Variants in SMC5 observed in about 807,000 individuals in gnomAD.
SMC5 encodes the protein structural maintenance of chromosomes 5.
Under a neutral mutation model 148.3 loss-of-function variants are expected in SMC5, and 88 were observed. That is an observed-to-expected ratio of 0.59 (90% CI 0.50 to 0.71). The LOEUF is 0.71. Ranked by LOEUF, SMC5 falls within the 30% of genes least tolerant of loss-of-function variation. The pLI is 0.00. For missense variants in SMC5, 1,142 were observed against 1,298.9 expected (o/e 0.88, Z 1.86); for synonymous variants, 421 against 432.8 (o/e 0.97, Z 0.34).
intron 3 of SMC5, among the ~76,000 whole-genome samples, chr9:70,274,541 T>TA: frequency 6.6e-6 from 1 of 152,052 alleles, no homozygotes; most frequent in East Asian, 1.9e-4. Context: ...TCTTTTGTTA[T>TA]CTCATTTAAA....
chr9:70,279,546 G>A (rs1453692166), intron 5 of SMC5, among the ~76,000 whole-genome samples: 3 of 152,090 alleles, frequency 2.0e-5, no homozygotes, highest in African/African-American at 7.2e-5. Context: ...GCTGGGTGTG[G>A]TGGCTCACGC....
At chr9:70,263,336 TG>T (rs2034190149) in intron 1 of SMC5, among the ~76,000 whole-genome samples, 1 of 152,244 alleles carries the variant, frequency 6.6e-6, no homozygotes, top group South Asian at 2.1e-4. Flanking sequence ...AATACGTCTT[TG>T]CCACCTGTAT....
intron 24 of SMC5, among the ~76,000 whole-genome samples, 161 bp from the exon 25 acceptor site, chr9:70,352,030 G>T (rs944760816): frequency 2.0e-5 from 3 of 152,096 alleles, no homozygotes; most frequent in African/African-American, 7.2e-5. Context: ...GCACTGAGCT[G>T]AGATCGCACC....
intron 8 of SMC5, among the ~76,000 whole-genome samples, 197 bp downstream of exon 8, chr9:70,286,468 C>T (rs1316936508): frequency 6.6e-6 from 1 of 152,142 alleles, no homozygotes; most frequent in Non-Finnish European, 1.5e-5. Context: ...CTCAAAACTA[C>T]TAGCAGCTGT....
At chr9:70,290,750 G>A (rs1157426417) in intron 8 of SMC5, among the ~76,000 whole-genome samples, 2 of 151,938 alleles carry the variant, frequency 1.3e-5, no homozygotes, top group Admixed American at 6.6e-5. Context: ...AAAAAAGTAC[G>A]TGTGCTCACT....
At chr9:70,268,551 A>G (rs543430615) in intron 3 of SMC5, among the ~76,000 whole-genome samples, 3 of 151,872 alleles carry the variant, frequency 2.0e-5, no homozygotes, top group East Asian at 3.9e-4. Flanking sequence ...CTATACTACT[A>G]TTAAGTAGTC....
intron 11 of SMC5, 56 bp downstream of exon 11, chr9:70,305,416 G>C (rs776466321): frequency 1.7e-5 from 18 of 1,070,004 alleles, no homozygotes; most frequent in Non-Finnish European, 2.4e-5. Flanking sequence ...TTCAGCACTT[G>C]AAGTTTTAAA....
chr9:70,298,443 T>C (rs1339784547), intron 9 of SMC5, among the ~76,000 whole-genome samples: 1 of 152,162 alleles, frequency 6.6e-6, no homozygotes, highest in Non-Finnish European at 1.5e-5. Context: ...ATTATGGCAC[T>C]TGATTTAATA....
intron 4 of SMC5, among the ~76,000 whole-genome samples, chr9:70,278,073 CTTTTTA>C (rs1452674461): frequency 6.6e-6 from 1 of 151,808 alleles, no homozygotes; most frequent in Non-Finnish European, 1.5e-5. Context: ...TTTTTAAAAG[CTTTTTA>C]TTTATTTTAA....
intron 18 of SMC5, among the ~76,000 whole-genome samples, chr9:70,344,914 A>G (rs2036626568): frequency 6.6e-6 from 1 of 152,140 alleles, no homozygotes. Context: ...TTCAAATGTT[A>G]TCTATTTCAG....
chr9:70,299,799 G>T (rs1049319250), intron 9 of SMC5, among the ~76,000 whole-genome samples: 4 of 151,380 alleles, frequency 2.6e-5, no homozygotes, highest in African/African-American at 9.7e-5. Flanking sequence ...TTGTTTGTTT[G>T]TTTGTTTGTT....
chr9:70,326,237 G>A (rs2036071536), intron 17 of SMC5, among the ~76,000 whole-genome samples: 1 of 152,034 alleles, frequency 6.6e-6, no homozygotes, highest in South Asian at 2.1e-4. Context: ...TGGGTGCAAG[G>A]GATCTTTTTG....
At chr9:70,284,754 T>C (rs1226462529) in intron 7 of SMC5, among the ~76,000 whole-genome samples, 1 of 152,234 alleles carries the variant, frequency 6.6e-6, no homozygotes, top group Non-Finnish European at 1.5e-5. Flanking sequence ...TGGTACCTTA[T>C]GTCAGTCTAT....
intron 2 of SMC5, among the ~76,000 whole-genome samples, chr9:70,267,161 T>C (rs548693104): frequency 2.5e-4 from 38 of 152,202 alleles, no homozygotes; most frequent in African/African-American, 8.7e-4. Context: ...CACAACAGTA[T>C]ATAGTAAATG....
At chr9:70,340,483 T>C (rs2036490634) in intron 17 of SMC5, among the ~76,000 whole-genome samples, 1 of 152,094 alleles carries the variant, frequency 6.6e-6, no homozygotes, top group Non-Finnish European at 1.5e-5. Flanking sequence ...GAATGATTTT[T>C]ATATTTTTAA....
chr9:70,352,076 A>G, intron 24 of SMC5, 115 bp from the exon 25 acceptor site: 1 of 1,029,308 alleles, frequency 9.7e-7, no homozygotes, highest in Non-Finnish European at 1.4e-6. Flanking sequence ...GTGGGAAAAA[A>G]AAAGTTTTAT....
chr9:70,316,170 A>G (rs1049048702), intron 13 of SMC5, among the ~76,000 whole-genome samples: 1 of 152,002 alleles, frequency 6.6e-6, no homozygotes, highest in Admixed American at 6.6e-5. Context: ...GTGACTCCAA[A>G]CCGTATGCAC....
At chr9:70,351,455 C>A (rs2036802700) in intron 24 of SMC5, among the ~76,000 whole-genome samples, 1 of 151,944 alleles carries the variant, frequency 6.6e-6, no homozygotes, top group African/African-American at 2.4e-5. Flanking sequence ...GTGGAATAGT[C>A]ACATCTGTTA....
At chr9:70,289,677 A>G (rs949014184) in intron 8 of SMC5, among the ~76,000 whole-genome samples, 12 of 151,284 alleles carry the variant, frequency 7.9e-5, no homozygotes, top group African/African-American at 2.7e-4. Flanking sequence ...TCTATTTTTT[A>G]TTCTATAGGT....
Sources: gnomAD v4.1 joint callset for allele counts (sites outside exome capture counted in the v4.1 genomes callset) on GRCh38, gnomAD v4.1.1 for gene constraint, MANE v1.5 for transcripts, NCBI Gene and HGNC (gene_info 2026-07-23, HGNC 2026-07-21) for gene names.